Variants in SOX5 observed in about 807,000 individuals in gnomAD.
SOX5 encodes transcription factor SOX-5.
Under a neutral mutation model 92.0 loss-of-function variants are expected in SOX5, and 9 were observed. The ratio of observed to expected loss-of-function variants is 0.10; its 90% confidence interval spans 0.06 to 0.17. The LOEUF (loss-of-function observed/expected upper bound fraction) is 0.17. Among genes scored for constraint, SOX5 ranks in the 10% least tolerant of loss-of-function variants. SOX5 has a pLI of 1.00. For missense variants in SOX5, 642 were observed against 944.5 expected (o/e 0.68, Z 4.20); for synonymous variants, 344 against 336.3 (o/e 1.02, Z -0.25).
intron 4 of SOX5, among the ~76,000 whole-genome samples, chr12:24,065,521 C>A (rs1209637356): frequency 6.6e-6 from 1 of 151,652 alleles, no homozygotes; most frequent in East Asian, 1.9e-4. Flanking sequence ...GTGGTGCACA[C>A]CTGTAGTCCC....
Position 24,397,608 on chromosome 12 carries a change from C to T in SOX5, c.-250-28969G>A, listed in dbSNP as rs867960615. Among the ~76,000 whole-genome samples the T allele has an allele frequency of 1.1e-3, 170 of 151,592 alleles. 2 individuals are homozygous for T. Among genetic ancestry groups the T allele is most frequent in the African/African-American group, 3.7e-3 (151 of 41,292 alleles). On this transcript the variant is annotated intron_variant, in intron 1 of 4. Coordinates refer to the SOX5 transcript ENST00000446891. ...TATTGTAGAGGGGCCAAAGTTTATA[C>T]AGTTTTAGAAAGAGAAGACAAATTA... is the stretch of plus-strand genomic sequence containing the variant.
chr12:23,586,257 C>T lies in SOX5; in HGVS notation c.1165-10419G>A, dbSNP rs192319036. 3.6e-4 allele frequency among the ~76,000 whole-genome samples: 55 copies of T among 152,184 alleles called. 1 individual carries two copies. Among genetic ancestry groups the T allele is most frequent in the African/African-American group, 1.3e-3 (52 of 41,540 alleles). On this transcript the variant is annotated intron_variant, in intron 9 of 14. Transcript: ENST00000451604. ...TGAACACAAAATTAGAACAGTTGTGCCATCTACCCCTGTCTCTTGTTTTTC... is the reference window on the plus strand; with the variant it reads ...TGAACACAAAATTAGAACAGTTGTGTCATCTACCCCTGTCTCTTGTTTTTC...
intron 2 of SOX5, among the ~76,000 whole-genome samples, chr12:24,348,946 T>G (rs915895395): frequency 6.6e-6 from 1 of 152,228 alleles, no homozygotes; most frequent in African/African-American, 2.4e-5. Flanking sequence ...CCACCATGAC[T>G]GTGAGGCCTC....
At chr12:24,084,328 A>G (rs376061905) in intron 4 of SOX5, among the ~76,000 whole-genome samples, 131 of 152,170 alleles carry the variant, frequency 8.6e-4, no homozygotes, top group African/African-American at 2.9e-3. Context: ...TCTACTGTAG[A>G]GATGGGATTC....
chr12:24,130,862 T>C (rs2138490279), intron 4 of SOX5, among the ~76,000 whole-genome samples: 1 of 152,320 alleles, frequency 6.6e-6, no homozygotes, highest in South Asian at 2.1e-4. Flanking sequence ...CAAATGCCTG[T>C]CTTCAACCCT....
intron 2 of SOX5, among the ~76,000 whole-genome samples, chr12:23,867,716 T>C (rs1302821535): frequency 1.3e-5 from 2 of 151,958 alleles, no homozygotes; most frequent in Non-Finnish European, 2.9e-5. Context: ...TAGAAAAGAA[T>C]AGGTCTTTCC....
chr12:23,711,971 A>AACAAAC (rs1165505590), intron 6 of SOX5, among the ~76,000 whole-genome samples: 2 of 152,230 alleles, frequency 1.3e-5, no homozygotes, highest in African/African-American at 4.8e-5. Flanking sequence ...ACTTGAAACA[A>AACAAAC]AGATATATTA....
intron 3 of SOX5, among the ~76,000 whole-genome samples, chr12:24,238,800 A>G (rs530156214): frequency 4.6e-5 from 7 of 152,196 alleles, no homozygotes; most frequent in Non-Finnish European, 7.3e-5. Flanking sequence ...TTTCAACACA[A>G]TAGCAACCTA....
chr12:23,811,345 T>C (rs886835075), intron 3 of SOX5, among the ~76,000 whole-genome samples: 3 of 152,118 alleles, frequency 2.0e-5, no homozygotes, highest in South Asian at 4.1e-4. Context: ...GTAACACATA[T>C]TATATAAAAT....
intron 4 of SOX5, among the ~76,000 whole-genome samples, chr12:24,070,981 C>T (rs1432226912): frequency 6.6e-6 from 1 of 152,092 alleles, no homozygotes; most frequent in Non-Finnish European, 1.5e-5. Flanking sequence ...ACGTTTGAAC[C>T]TTATATGCCA....
intron 1 of SOX5, among the ~76,000 whole-genome samples, chr12:24,422,761 A>T (rs1047610485): frequency 1.3e-5 from 2 of 152,244 alleles, no homozygotes; most frequent in African/African-American, 2.4e-5. Context: ...CTGTAATCTT[A>T]GTACTTTGGG....
rs368863094 is a variant in SOX5, at chr12:23,643,011, C to T, written c.932-2114G>A. 1.0e-4 allele frequency among the ~76,000 whole-genome samples: 11 copies of T among 106,660 alleles called. 1 individual carries two copies. Among genetic ancestry groups the T allele is most frequent in the African/African-American group, 2.9e-4 (10 of 33,900 alleles). 70.0% of individuals were successfully genotyped at this position (106,660 alleles called of 152,430 possible). A position where few individuals can be genotyped will look rare whatever the true frequency, so the allele number is the denominator to read the frequency against. ...CTGAGGCAGGAGAATGGCATGAACC[C>T]GGGAGGCGGAGCTTGCAGTGAGCCG... On this transcript the variant is annotated intron_variant, in intron 7 of 14. Transcript: ENST00000451604.
intron 4 of SOX5, among the ~76,000 whole-genome samples, chr12:24,146,853 T>A (rs1039722581): frequency 2.0e-5 from 3 of 151,974 alleles, no homozygotes; most frequent in Non-Finnish European, 4.4e-5. Flanking sequence ...TATGATTAAC[T>A]TTATATCAAC....
intron 1 of SOX5, among the ~76,000 whole-genome samples, chr12:24,381,089 T>C (rs926212879): frequency 2.6e-5 from 4 of 152,164 alleles, no homozygotes; most frequent in Non-Finnish European, 4.4e-5. Flanking sequence ...GCATTACTAG[T>C]GTGAAGACCT....
chr12:23,687,388 C>T (rs933873102), intron 6 of SOX5, among the ~76,000 whole-genome samples: 18 of 151,894 alleles, frequency 1.2e-4, no homozygotes, highest in African/African-American at 2.7e-4. Flanking sequence ...ATGATACACA[C>T]GCACGATATT....
intron 4 of SOX5, among the ~76,000 whole-genome samples, chr12:24,127,090 T>G (rs1040450483): frequency 2.6e-5 from 4 of 151,894 alleles, no homozygotes; most frequent in Admixed American, 2.6e-4. Flanking sequence ...AGACCAGATA[T>G]AGTAAAACAA....
chr12:24,251,544 T>C lies in SOX5; in HGVS notation c.-77+25672A>G, dbSNP rs535372064. 2.0e-5 allele frequency among the ~76,000 whole-genome samples: 3 copies of C among 152,004 alleles called. No individual in the cohort carries two copies. The East Asian group carries it at 5.8e-4, about 29-fold the overall frequency. On this transcript the variant is annotated intron_variant, in intron 3 of 4. Transcript: ENST00000446891. ...CCCTTTTGAGGAGATATCCTTGTCC[T>C]ATTGAACTAGGATGGTTAGGGTTTT... is the stretch of plus-strand genomic sequence containing the variant.
intron 4 of SOX5, among the ~76,000 whole-genome samples, chr12:24,196,629 C>T (rs1957035754): frequency 6.6e-6 from 1 of 152,152 alleles, no homozygotes; most frequent in African/African-American, 2.4e-5. Flanking sequence ...TAGGGCCAGG[C>T]ACGGTGGCTC....
intron 1 of SOX5, among the ~76,000 whole-genome samples, chr12:24,483,271 T>C (rs776449650): frequency 6.6e-6 from 1 of 152,194 alleles, no homozygotes; most frequent in Non-Finnish European, 1.5e-5. Flanking sequence ...AGAATAATAA[T>C]ATGTAGAATT....
Sources: gnomAD v4.1 joint callset for allele counts (sites outside exome capture counted in the v4.1 genomes callset) on GRCh38, gnomAD v4.1.1 for gene constraint, MANE v1.5 for transcripts, NCBI Gene and HGNC (gene_info 2026-07-23, HGNC 2026-07-21) for gene names.